The following GRM7 variants were observed in gnomAD, a reference collection of about 807,000 sequenced individuals.
The protein encoded by GRM7 is glutamate metabotropic receptor 7.
GRM7 carries 35 observed loss-of-function variants against 84.5 expected under a neutral mutation model. That is an observed-to-expected ratio of 0.41 (90% CI 0.32 to 0.55). GRM7 has a LOEUF of 0.55. Ranked by LOEUF, GRM7 falls within the 20% of genes least tolerant of loss-of-function variation. GRM7 has a pLI of 0.19. For missense variants in GRM7, 1,003 were observed against 1,194.6 expected (o/e 0.84, Z 2.36); for synonymous variants, 487 against 455.1 (o/e 1.07, Z -0.89).
intron 2 of GRM7, among the ~76,000 whole-genome samples, chr3:7,269,444 A>AC (rs34231933): frequency 1.2e-3 from 187 of 151,106 alleles, no homozygotes; most frequent in African/African-American, 2.4e-3. Flanking sequence ...TGATGCCTGA[A>AC]CCCCCCCCCC....
At chr3:7,121,157 C>T (rs981798420) in intron 1 of GRM7, among the ~76,000 whole-genome samples, 1 of 152,178 alleles carries the variant, frequency 6.6e-6, no homozygotes, top group South Asian at 2.1e-4. Flanking sequence ...GCCAGGAACA[C>T]TCATTTAAAG....
chr3:7,649,890 A>G (rs1326286719), intron 8 of GRM7, among the ~76,000 whole-genome samples: 1 of 152,174 alleles, frequency 6.6e-6, no homozygotes, highest in African/African-American at 2.4e-5. Flanking sequence ...TTCAAAGCCA[A>G]TATGAGTTCT....
At chr3:6,957,617 A>G (rs550005322) in intron 1 of GRM7, among the ~76,000 whole-genome samples, 3 of 152,152 alleles carry the variant, frequency 2.0e-5, no homozygotes, top group Admixed American at 6.5e-5. Flanking sequence ...TTTCATTCCC[A>G]CCCCGATTTA....
chr3:6,995,094 T>A (rs1694785241), intron 1 of GRM7, among the ~76,000 whole-genome samples: 1 of 152,230 alleles, frequency 6.6e-6, no homozygotes, highest in African/African-American at 2.4e-5. Flanking sequence ...GTTGGCATCA[T>A]AAAAGGATGG....
At chr3:7,469,635 A>G (rs1348227666) in intron 7 of GRM7, among the ~76,000 whole-genome samples, 1 of 152,116 alleles carries the variant, frequency 6.6e-6, no homozygotes, top group East Asian at 1.9e-4. Flanking sequence ...AGGACTTAGG[A>G]TTGGGTCTCT....
chr3:7,374,571 A>G (rs1252278077), intron 4 of GRM7, among the ~76,000 whole-genome samples: 3 of 151,260 alleles, frequency 2.0e-5, no homozygotes, highest in Admixed American at 6.6e-5. Flanking sequence ...CTCTGCCTCC[A>G]GGGTTCAAGC....
chr3:7,024,578 C>T (rs1397288570), intron 1 of GRM7, among the ~76,000 whole-genome samples: 1 of 152,204 alleles, frequency 6.6e-6, no homozygotes, highest in East Asian at 1.9e-4. Context: ...GGAGAGCCTT[C>T]CAGGCAAAAC....
intron 1 of GRM7, among the ~76,000 whole-genome samples, chr3:7,092,298 T>A (rs1387869889): frequency 1.3e-5 from 2 of 152,200 alleles, no homozygotes; most frequent in Non-Finnish European, 2.9e-5. Flanking sequence ...ATAGAGATAG[T>A]TCCTTATTTG....
At chr3:7,224,988 T>C (rs1248926783) in intron 2 of GRM7, among the ~76,000 whole-genome samples, 2 of 152,202 alleles carry the variant, frequency 1.3e-5, no homozygotes, top group Non-Finnish European at 2.9e-5. Flanking sequence ...TAATATTTTT[T>C]CTTTAGTTTT....
At chr3:7,647,524 G>A (rs1698701522) in intron 8 of GRM7, among the ~76,000 whole-genome samples, 1 of 152,222 alleles carries the variant, frequency 6.6e-6, no homozygotes, top group African/African-American at 2.4e-5. Flanking sequence ...TATTGAGGAG[G>A]CTGGAATTTA....
At chr3:7,679,982 T>G (rs1700297170) in intron 8 of GRM7, 67 bp from the exon 9 acceptor site, 11 of 1,485,404 alleles carry the variant, frequency 7.4e-6, no homozygotes, top group African/African-American at 2.8e-5. Flanking sequence ...TGACATCGCT[T>G]TAAGTGTTCA....
chr3:7,233,308 G>T (rs1466390726), intron 2 of GRM7, among the ~76,000 whole-genome samples: 1 of 152,082 alleles, frequency 6.6e-6, no homozygotes, highest in East Asian at 1.9e-4. Context: ...CTTGATCACT[G>T]GTAAGTTTCT....
intron 7 of GRM7, among the ~76,000 whole-genome samples, chr3:7,563,979 A>T (rs1179825384): frequency 1.3e-5 from 2 of 152,156 alleles, no homozygotes; most frequent in African/African-American, 4.8e-5. Flanking sequence ...CATATGTTTA[A>T]TTTAAGCCAG....
intron 1 of GRM7, among the ~76,000 whole-genome samples, chr3:6,904,718 T>G (rs1249734920): frequency 6.6e-6 from 1 of 151,490 alleles, no homozygotes; most frequent in Non-Finnish European, 1.5e-5. Flanking sequence ...GACTTCCTTA[T>G]GTGTGTTTTT....
chr3:7,541,887 A>T (rs1402767737), intron 7 of GRM7, among the ~76,000 whole-genome samples: 4 of 152,290 alleles, frequency 2.6e-5, no homozygotes, highest in African/African-American at 9.6e-5. Flanking sequence ...CCAAATCAAG[A>T]GCATTGCCAT....
At chr3:7,458,259 C>A (rs1024779050) in intron 6 of GRM7, among the ~76,000 whole-genome samples, 9 of 152,254 alleles carry the variant, frequency 5.9e-5, no homozygotes, top group East Asian at 5.8e-4. Context: ...TGTCAGGTGA[C>A]CCTATTTCTT....
chr3:7,155,412 G>T (rs1343187054), intron 2 of GRM7, among the ~76,000 whole-genome samples: 1 of 151,964 alleles, frequency 6.6e-6, no homozygotes, highest in Non-Finnish European at 1.5e-5. Flanking sequence ...AAGTAAAAAG[G>T]AGTAGGCTTT....
At chr3:6,909,304 G>C (rs1402568865) in intron 1 of GRM7, among the ~76,000 whole-genome samples, 1 of 152,084 alleles carries the variant, frequency 6.6e-6, no homozygotes, top group African/African-American at 2.4e-5. Context: ...ATCAATAATA[G>C]TAAAACTGTC....
At chr3:7,364,905 TG>T (rs1377608455) in intron 4 of GRM7, among the ~76,000 whole-genome samples, 1 of 152,052 alleles carries the variant, frequency 6.6e-6, no homozygotes, top group East Asian at 1.9e-4. Flanking sequence ...CATTCCTTTT[TG>T]CATCCTACTC....
Sources: allele counts gnomAD v4.1 joint callset (sites outside exome capture counted in the v4.1 genomes callset), GRCh38; gene constraint gnomAD v4.1.1; transcripts MANE v1.5; gene names NCBI Gene and HGNC (gene_info 2026-07-23, HGNC 2026-07-21).